Variants in PARD3B observed in about 807,000 individuals in gnomAD.
The protein encoded by PARD3B is par-3 family cell polarity regulator beta.
In PARD3B, 103 loss-of-function variants were observed where a neutral mutation model predicts 130.2. That is an observed-to-expected ratio of 0.79 (90% confidence interval 0.67 to 0.93). The LOEUF (loss-of-function observed/expected upper bound fraction) is 0.93. PARD3B is among the 40% of genes least tolerant of loss of function. The probability of loss-of-function intolerance (pLI) is 0.00; values close to 1 mark genes in which losing one functional copy is unlikely to be tolerated. For missense variants in PARD3B, 1,609 were observed against 1,499.2 expected (o/e 1.07, Z -1.21); for synonymous variants, 583 against 553.2 (o/e 1.05, Z -0.76).
At chr2:205,445,668 T>C (rs1393583108) in intron 20 of PARD3B, among the ~76,000 whole-genome samples, 1 of 152,078 alleles carries the variant, frequency 6.6e-6, no homozygotes, top group African/African-American at 2.4e-5. Context: ...TGACATGAAA[T>C]TTAGGCAGGG....
intron 2 of PARD3B, among the ~76,000 whole-genome samples, chr2:204,900,527 A>T (rs186238080): frequency 6.6e-6 from 1 of 152,126 alleles, no homozygotes; most frequent in African/African-American, 2.4e-5. Flanking sequence ...TCTCTGTGTT[A>T]TCTTGAATTT....
intron 18 of PARD3B, among the ~76,000 whole-genome samples, chr2:205,368,785 C>T (rs538629172): frequency 2.6e-5 from 4 of 151,996 alleles, no homozygotes; most frequent in Admixed American, 1.3e-4. Context: ...GTAGGCATGT[C>T]GTGTCCTCAG....
intron 18 of PARD3B, among the ~76,000 whole-genome samples, chr2:205,365,549 C>CTTTTTTT (rs3048121): frequency 0.047 from 5,326 of 113,616 alleles, 655 homozygotes; most frequent in African/African-American, 0.17. Flanking sequence ...CCCAACCTTC[C>CTTTTTTT]TTTTTTTTTT....
intron 2 of PARD3B, among the ~76,000 whole-genome samples, chr2:204,959,625 G>A (rs748195539): frequency 3.9e-5 from 6 of 152,132 alleles, no homozygotes; most frequent in Non-Finnish European, 8.8e-5. Flanking sequence ...TGTTGTTCTT[G>A]TTGACTTTCC....
chr2:204,699,707 G>A (rs1359754037), intron 2 of PARD3B, among the ~76,000 whole-genome samples: 1 of 152,052 alleles, frequency 6.6e-6, no homozygotes, highest in Non-Finnish European at 1.5e-5. Context: ...AATGTTTGGG[G>A]AGGCTCCATG....
In PARD3B at chr2:205,047,650, C is replaced by CT; in HGVS notation, c.466dup (p.Ser156PhefsTer39). ...CCACCTGCTGATACCCAGCCAAGCGCTTCACACCCTGGTGGCCAGAGTCTG... is the reference window on the plus strand; with the variant it reads ...CCACCTGCTGATACCCAGCCAAGCGCTTTCACACCCTGGTGGCCAGAGTCTG... On this transcript the variant is annotated frameshift_variant, in exon 4 of 23. Coordinates refer to ENST00000406610, the MANE Select transcript of PARD3B (RefSeq NM_001302769.2). LOFTEE classifies it high-confidence loss of function. The CT allele has an allele frequency of 3.2e-6, 5 of 1,550,966 alleles. No homozygotes were observed. The highest frequency in any genetic ancestry group is 4.4e-6 in the Non-Finnish European group (5 of 1,146,772).
At chr2:205,320,243 TGAAG>T (rs1036952688) in intron 18 of PARD3B, among the ~76,000 whole-genome samples, 7 of 139,458 alleles carry the variant, frequency 5.0e-5, no homozygotes, top group Non-Finnish European at 7.8e-5. Flanking sequence ...AAGGAAGGAA[TGAAG>T]GAAGGAAGGA....
intron 2 of PARD3B, among the ~76,000 whole-genome samples, chr2:204,823,404 A>G (rs568647534): frequency 6.6e-6 from 1 of 151,994 alleles, no homozygotes; most frequent in African/African-American, 2.4e-5. Flanking sequence ...TTATTAAAAA[A>G]TGAGTGTCAT....
chr2:205,080,104 C>T (rs1399542021), intron 4 of PARD3B, among the ~76,000 whole-genome samples: 1 of 152,098 alleles, frequency 6.6e-6, no homozygotes, highest in Admixed American at 6.5e-5. Flanking sequence ...ACTCAGCCTC[C>T]CTGGCTCCTA....
rs573529351 is a variant in PARD3B at position 205,612,258 on chromosome 2, T to C, written c.3261-3198T>C. Among the ~76,000 whole-genome samples, 46 of 152,166 alleles carry C rather than the reference T, an allele frequency of 3.0e-4. 1 individual carries two copies. The Middle Eastern group carries it at 0.01, about 34-fold the overall frequency. On this transcript the variant is annotated intron_variant, in intron 22 of 22. Transcript: ENST00000406610. ...ACCTCTGCCTACCAGGTTCAAGCAA[T>C]TCTCCTGCCTTAGCCTCCCGAGTAG...
At chr2:204,796,450 T>TC (rs1428614241) in intron 2 of PARD3B, among the ~76,000 whole-genome samples, 1 of 152,160 alleles carries the variant, frequency 6.6e-6, no homozygotes, top group African/African-American at 2.4e-5. Context: ...AATTTCTTCA[T>TC]CCCCTGGGCC....
chr2:205,053,474 TAAAAATACAAA>T (rs1699376053), intron 4 of PARD3B, among the ~76,000 whole-genome samples: 1 of 151,750 alleles, frequency 6.6e-6, no homozygotes, highest in South Asian at 2.1e-4. Flanking sequence ...CCGTCTCTAC[TAAAAATACAAA>T]AAAAATTATC....
intron 20 of PARD3B, among the ~76,000 whole-genome samples, chr2:205,499,063 A>G (rs745633132): frequency 1.6e-4 from 25 of 152,196 alleles, no homozygotes; most frequent in Non-Finnish European, 2.9e-4. Context: ...TGAACCAGAT[A>G]AGTAGAATGG....
In PARD3B at chr2:204,546,024, A is replaced by C. The variant is rs746340423; in HGVS notation, c.25A>C (p.Arg9=). Residue 9 remains arginine, a synonymous_variant, in exon 1 of 23, where the codon AGG becomes CGG. Transcript: ENST00000406610. The part of the protein sequence containing the change: MKVTVCFG[R]TGIVVPCKEG... The stretch of plus-strand genomic sequence containing the variant: ...GATGAAAGTGACCGTGTGCTTCGGC[A>C]GGACGGGCATCGTGGTGCCCTGCAA... The C allele has an allele frequency of 6.4e-7, 1 of 1,568,384 alleles. No individual in the cohort carries two copies. The highest frequency in any genetic ancestry group is 2.4e-5 in the East Asian group (1 of 41,880).
intron 2 of PARD3B, among the ~76,000 whole-genome samples, chr2:204,810,478 A>AT (rs2042925689): frequency 6.6e-6 from 1 of 152,228 alleles, no homozygotes; most frequent in African/African-American, 2.4e-5. Context: ...AGGATGTTGA[A>AT]TTTTATCAAA....
intron 18 of PARD3B, among the ~76,000 whole-genome samples, chr2:205,311,337 A>G (rs2105934332): frequency 6.6e-6 from 1 of 152,208 alleles, no homozygotes; most frequent in Middle Eastern, 3.4e-3. Context: ...CTTATCTTTC[A>G]TGTTTTTGTT....
intron 18 of PARD3B, among the ~76,000 whole-genome samples, chr2:205,313,882 G>A (rs1189435561): frequency 6.6e-6 from 1 of 152,144 alleles, no homozygotes; most frequent in East Asian, 1.9e-4. Flanking sequence ...AACTTCATTA[G>A]CATTTGAGGT....
intron 4 of PARD3B, among the ~76,000 whole-genome samples, chr2:205,075,596 T>A (rs1310333759): frequency 6.6e-6 from 1 of 151,798 alleles, no homozygotes. Flanking sequence ...CAAAATTATT[T>A]CTATACTTCT....
intron 2 of PARD3B, among the ~76,000 whole-genome samples, chr2:204,703,806 G>A (rs960466701): frequency 1.3e-5 from 2 of 152,028 alleles, no homozygotes; most frequent in African/African-American, 4.8e-5. Flanking sequence ...CTATGTTATT[G>A]TATAATTTAT....
Sources: gnomAD v4.1 joint callset for allele counts (sites outside exome capture counted in the v4.1 genomes callset) on GRCh38, gnomAD v4.1.1 for gene constraint, MANE v1.5 for transcripts, NCBI Gene and HGNC (gene_info 2026-07-23, HGNC 2026-07-21) for gene names.